The following CLNK variants were observed in gnomAD, a reference collection of about 807,000 sequenced individuals.
CLNK encodes the protein cytokine dependent hematopoietic cell linker.
Under a neutral mutation model 68.6 loss-of-function variants are expected in CLNK, and 74 were observed. That is an observed-to-expected ratio of 1.08 (90% CI 0.89 to 1.31). The LOEUF (loss-of-function observed/expected upper bound fraction) is 1.31. CLNK is among the 50% of genes most tolerant of loss of function. The pLI, the probability that CLNK is intolerant of heterozygous loss-of-function variation, is 0.00. For synonymous variants in CLNK, 198 were observed against 172.2 expected (o/e 1.15, Z -1.17); for missense variants, 553 against 515.3 (o/e 1.07, Z -0.71).
intron 2 of CLNK, among the ~76,000 whole-genome samples, chr4:10,659,472 T>C (rs55752085): frequency 0.012 from 1,879 of 152,336 alleles, 49 homozygotes; most frequent in African/African-American, 0.043. Context: ...GGCCAACCAA[T>C]ATTTCTGTTG....
chr4:10,496,954 A>G (rs955998272), intron 18 of CLNK, among the ~76,000 whole-genome samples: 1 of 152,090 alleles, frequency 6.6e-6, no homozygotes, highest in Admixed American at 6.6e-5. Flanking sequence ...ATTTTCGATA[A>G]ATCTCTGTTT....
chr4:10,651,530 A>G lies in CLNK; in HGVS notation c.11+16329T>C, dbSNP rs1245568282. Among the ~76,000 whole-genome samples, 7 of 152,228 alleles carry G rather than the reference A, an allele frequency of 4.6e-5. No homozygotes were observed. In the East Asian group the frequency reaches 5.8e-4, roughly 13 times the overall value. On this transcript the variant is annotated intron_variant, in intron 2 of 18. Transcript: ENST00000226951. ...ACATGGACACAGGGAGGGGAACATC[A>G]CACACTGGGGCCTGAATTTATGATT...
At chr4:10,579,848 AGGGTAGGAG>A in intron 4 of CLNK, among the ~76,000 whole-genome samples, 1 of 152,228 alleles carries the variant, frequency 6.6e-6, no homozygotes, top group African/African-American at 2.4e-5. Flanking sequence ...TTAAAAGGCT[AGGGTAGGAG>A]GGCCAGTTTT....
the CLNK span, among the ~76,000 whole-genome samples, chr4:10,734,819 T>C: frequency 6.6e-6 from 1 of 152,130 alleles, no homozygotes. Context: ...ATGAAGTTGT[T>C]AACAGCAGCC....
chr4:10,600,011 T>A lies in CLNK; in HGVS notation c.12-1962A>T, dbSNP rs16870340. Among the ~76,000 whole-genome samples the A allele has an allele frequency of 6.0e-3, 909 of 152,322 alleles. 17 individuals carry two copies. The East Asian group carries it at 0.064, about 11-fold the overall frequency. On this transcript the variant is annotated intron_variant, in intron 2 of 18. Transcript: ENST00000226951. Reference sequence around the variant, plus strand: ...TCATCAGTTCTCTATTCCTGCAAGATAAAACCCAAACTCTTAACCATGATA... The same window carrying A: ...TCATCAGTTCTCTATTCCTGCAAGAAAAAACCCAAACTCTTAACCATGATA...
intron 17 of CLNK, among the ~76,000 whole-genome samples, chr4:10,503,112 A>C (rs1717122813): frequency 6.6e-6 from 1 of 152,206 alleles, no homozygotes; most frequent in African/African-American, 2.4e-5. Context: ...AATGAAAAAC[A>C]CTGAAAAATC....
chr4:10,573,367 A>G (rs1275845853), intron 4 of CLNK, among the ~76,000 whole-genome samples: 1 of 152,198 alleles, frequency 6.6e-6, no homozygotes. Context: ...TGGGAGGAAC[A>G]GAATCCTGCC....
chr4:10,503,803 G>C lies in CLNK; in HGVS notation c.985-2392C>G, dbSNP rs574622101. 6.3e-3 allele frequency among the ~76,000 whole-genome samples: 537 copies of C among 84,842 alleles called. 8 individuals carry two copies. Among genetic ancestry groups the C allele is most frequent in the Middle Eastern group, 0.027 (2 of 74 alleles). 55.7% of individuals were successfully genotyped at this position (84,842 alleles called of 152,430 possible). ...TTTTTTTTTTTTTTTTTTTTTTTGA[G>C]ATGGAGTCTCCCTCTGTTGCCCAGG... On this transcript the variant is annotated intron_variant, in intron 17 of 18. Transcript: ENST00000226951.
intron 1 of CLNK, among the ~76,000 whole-genome samples, chr4:10,670,853 TA>T (rs1247010685): frequency 6.6e-6 from 1 of 152,216 alleles, no homozygotes; most frequent in Non-Finnish European, 1.5e-5. Flanking sequence ...GCCAAATTGC[TA>T]ACACCTAGGA....
chr4:10,610,580 C>CT (rs1295986315), intron 2 of CLNK, among the ~76,000 whole-genome samples: 3 of 152,002 alleles, frequency 2.0e-5, no homozygotes, highest in Admixed American at 6.6e-5. Context: ...ATGCTTTCTC[C>CT]TTTTTTTCTC....
intron 3 of CLNK, among the ~76,000 whole-genome samples, chr4:10,590,583 C>G (rs559286741): frequency 9.9e-5 from 15 of 152,162 alleles, no homozygotes; most frequent in Admixed American, 9.8e-4. Context: ...TGCCAGCCTT[C>G]TCTCTCTCTC....
chr4:10,579,302 C>G (rs1285999335), intron 4 of CLNK, among the ~76,000 whole-genome samples: 55 of 152,030 alleles, frequency 3.6e-4, no homozygotes, highest in Admixed American at 3.6e-3. Context: ...TTCCTTTTCA[C>G]CATCTCTGAG....
At chr4:10,550,015 T>G (rs1719384367) in intron 8 of CLNK, among the ~76,000 whole-genome samples, 1 of 152,228 alleles carries the variant, frequency 6.6e-6, no homozygotes, top group Non-Finnish European at 1.5e-5. Flanking sequence ...CACAACTTAT[T>G]ATGGTGAAAC....
chr4:10,614,471 T>C (rs1360695804), intron 2 of CLNK, among the ~76,000 whole-genome samples: 1 of 152,136 alleles, frequency 6.6e-6, no homozygotes, highest in Middle Eastern at 3.2e-3. Context: ...ATCATCGACA[T>C]TAAGAGTGTG....
chr4:10,669,181 G>A (rs1050055615), intron 1 of CLNK, among the ~76,000 whole-genome samples: 10 of 152,174 alleles, frequency 6.6e-5, no homozygotes, highest in Non-Finnish European at 1.3e-4. Context: ...TACTGAAAAT[G>A]TACTTTGTGC....
At chr4:10,699,510 ATATTT>A in the CLNK span, among the ~76,000 whole-genome samples, 2 of 19,488 alleles carry the variant, frequency 1.0e-4, no homozygotes, top group East Asian at 2.3e-3. Flanking sequence ...ATATATATAT[ATATTT>A]TTTTTTTTTT....
the CLNK span, among the ~76,000 whole-genome samples, chr4:10,690,021 T>C: frequency 6.6e-6 from 1 of 152,138 alleles, no homozygotes; most frequent in African/African-American, 2.4e-5. Flanking sequence ...CCATGTGAGC[T>C]GAAGTCATGT....
At chr4:10,701,779 G>T in the CLNK span, among the ~76,000 whole-genome samples, 2 of 152,120 alleles carry the variant, frequency 1.3e-5, no homozygotes, top group African/African-American at 4.8e-5. Flanking sequence ...ATATGGGGTC[G>T]CCAAACAAGT....
chr4:10,691,775 A>T, the CLNK span, among the ~76,000 whole-genome samples: 1 of 152,190 alleles, frequency 6.6e-6, no homozygotes, highest in African/African-American at 2.4e-5. Flanking sequence ...CTGTCCTCAA[A>T]CTGGTTGAAT....
Sources: allele counts gnomAD v4.1 joint callset (sites outside exome capture counted in the v4.1 genomes callset), GRCh38; gene constraint gnomAD v4.1.1; transcripts MANE v1.5; gene names NCBI Gene and HGNC (gene_info 2026-07-23, HGNC 2026-07-21).